CENPP: variants seen among roughly 807,000 people sequenced by gnomAD.
CENPP encodes the protein centromere protein P.
CENPP carries 24 observed loss-of-function variants against 35.6 expected under a neutral mutation model. The ratio of observed to expected loss-of-function variants is 0.67; its 90% CI spans 0.49 to 0.95. The LOEUF is 0.95. Ranked by LOEUF, CENPP falls within the 40% of genes least tolerant of loss-of-function variation. The probability of loss-of-function intolerance (pLI) is 0.00; values close to 1 mark genes in which losing one functional copy is unlikely to be tolerated. For synonymous variants in CENPP, 120 were observed against 125.5 expected (o/e 0.96, Z 0.29); for missense variants, 332 against 345.3 (o/e 0.96, Z 0.31).
intron 5 of CENPP, among the ~76,000 whole-genome samples, chr9:92,434,077 T>A (rs1844187750): frequency 6.6e-6 from 1 of 152,062 alleles, no homozygotes; most frequent in Non-Finnish European, 1.5e-5. Flanking sequence ...AAAAATCCAT[T>A]TTATTTCTAT....
intron 5 of CENPP, among the ~76,000 whole-genome samples, chr9:92,390,596 G>GCA (rs1668133907): frequency 6.6e-6 from 1 of 152,074 alleles, no homozygotes; most frequent in South Asian, 2.1e-4. Context: ...GTGCGCGCGC[G>GCA]CGTACTTGCG....
intron 5 of CENPP, chr9:92,496,562 A>G (rs1846357012): frequency 6.5e-7 from 1 of 1,535,578 alleles, no homozygotes; most frequent in Non-Finnish European, 8.7e-7. Flanking sequence ...ACATTTGTTA[A>G]AAAAATTTTG....
intron 5 of CENPP, among the ~76,000 whole-genome samples, chr9:92,595,622 G>C (rs1448746204): frequency 1.3e-5 from 2 of 151,300 alleles, no homozygotes; most frequent in Non-Finnish European, 2.9e-5. Flanking sequence ...CTGGAGTGCA[G>C]TGGCACCATC....
rs1845707694 is a variant in CENPP at position 92,476,165 on chromosome 9, C to T, written c.564+96306C>T. ...GGCTACAGTCACCTAAATAGTCCTC[C>T]AGGCCTGCCATTGCCCGAGTGCCAG... is the stretch of plus-strand genomic sequence containing the variant. On this transcript the variant is annotated intron_variant, in intron 5 of 7. Coordinates refer to ENST00000375587, the MANE Select transcript of CENPP (RefSeq NM_001012267.3). This position sits in a 1 kb window ranked among gnomAD's most constrained non-coding sequence, Gnocchi z 4.1. 6.6e-6 allele frequency among the ~76,000 whole-genome samples: 1 copy of T among 152,134 alleles called. No individual in the cohort carries two copies. The highest frequency in any genetic ancestry group is 1.5e-5 in the Non-Finnish European group (1 of 68,020).
intron 5 of CENPP, among the ~76,000 whole-genome samples, chr9:92,587,158 A>G (rs559882790): frequency 1.5e-4 from 23 of 152,322 alleles, no homozygotes; most frequent in Non-Finnish European, 2.2e-4. Context: ...TGAGATATCA[A>G]TAAGGAGACA....
chr9:92,608,364 A>G (rs1314995112), intron 5 of CENPP, among the ~76,000 whole-genome samples: 1 of 152,220 alleles, frequency 6.6e-6, no homozygotes, highest in Non-Finnish European at 1.5e-5. Flanking sequence ...TTTGTCATGG[A>G]AAGCATTCGA....
At chr9:92,489,866 C>T (rs1057120897) in intron 5 of CENPP, among the ~76,000 whole-genome samples, 6 of 152,196 alleles carry the variant, frequency 3.9e-5, no homozygotes, top group African/African-American at 9.7e-5. Context: ...CCGCTGGACC[C>T]CCACTGGCCC....
chr9:92,416,701 A>C, intron 5 of CENPP: 1 of 1,613,714 alleles, frequency 6.2e-7, no homozygotes, highest in Non-Finnish European at 8.5e-7. Context: ...TGTGTCCAAC[A>C]CTGAGTTCTA....
intron 4 of CENPP, among the ~76,000 whole-genome samples, chr9:92,375,468 GT>G (rs775224196): frequency 6.0e-5 from 9 of 150,108 alleles, no homozygotes; most frequent in Admixed American, 6.6e-5. Flanking sequence ...AATTTTTGTG[GT>G]TTTTTTTTAA....
At chr9:92,594,990 A>G (rs1163201692) in intron 5 of CENPP, among the ~76,000 whole-genome samples, 3 of 138,664 alleles carry the variant, frequency 2.2e-5, no homozygotes, top group Non-Finnish European at 4.5e-5. Context: ...TCCGCCTCCC[A>G]GGTTCAAGCA....
rs769231688 is a variant in CENPP, at chr9:92,334,895, CAAA to C, written c.289+2551_289+2553del. On this transcript the variant is annotated intron_variant, in intron 2 of 7. Coordinates refer to ENST00000375587, the MANE Select transcript of CENPP (RefSeq NM_001012267.3). Reference sequence around the variant, plus strand: ...CCTGTCTCAAAAAAAACCAAAAAAACAAAAAAAAAGGCCGGTTGTGGTGGCTCA... The same window carrying C: ...CCTGTCTCAAAAAAAACCAAAAAAACAAAAAAGGCCGGTTGTGGTGGCTCA... Among the ~76,000 whole-genome samples, 13 of 145,968 alleles carry C rather than the reference CAAA, an allele frequency of 8.9e-5. 1 individual carries two copies. The highest frequency in any genetic ancestry group is 3.3e-4 in the African/African-American group (13 of 39,552).
chr9:92,558,082 C>G (rs895692482), intron 5 of CENPP, among the ~76,000 whole-genome samples: 8 of 152,118 alleles, frequency 5.3e-5, no homozygotes, highest in African/African-American at 9.7e-5. Context: ...TGGGCTTTGC[C>G]TTTCTCTGGT....
At chr9:92,423,799 C>T (rs570417751) in intron 5 of CENPP, among the ~76,000 whole-genome samples, 2 of 152,082 alleles carry the variant, frequency 1.3e-5, no homozygotes, top group Admixed American at 6.6e-5. Context: ...TGCCCATCAA[C>T]CCCCCAACCG....
Position 92,553,404 on chromosome 9 carries a change from C to T in CENPP, c.565-57910C>T, listed in dbSNP as rs531498713. 4.8e-4 allele frequency among the ~76,000 whole-genome samples: 73 copies of T among 152,178 alleles called. No homozygotes were observed. The South Asian group carries it at 7.1e-3, about 15-fold the overall frequency. On this transcript the variant is annotated intron_variant, in intron 5 of 7. Transcript: ENST00000375587. ...GGCTATGCGGGCTCTTTTTTGGTTACATATGAATTTTAGAATTGTTTTTTC... is the reference window on the plus strand; with the variant it reads ...GGCTATGCGGGCTCTTTTTTGGTTATATATGAATTTTAGAATTGTTTTTTC...
intron 5 of CENPP, chr9:92,610,745 T>C (rs1469854701): frequency 6.5e-6 from 1 of 153,986 alleles, no homozygotes; most frequent in African/African-American, 2.4e-5. Context: ...ACAGTGAGGA[T>C]ACCAGGGTGG....
At chr9:92,600,581 G>A (rs916401439) in intron 5 of CENPP, 24 of 1,604,518 alleles carry the variant, frequency 1.5e-5, no homozygotes, top group Non-Finnish European at 2.0e-5. Flanking sequence ...GCCCTTGCGA[G>A]GGTTCTGGGG....
At chr9:92,375,101 T>G (rs1480398535) in intron 4 of CENPP, among the ~76,000 whole-genome samples, 1 of 152,226 alleles carries the variant, frequency 6.6e-6, no homozygotes, top group Non-Finnish European at 1.5e-5. Flanking sequence ...CCAGAGGGAT[T>G]TGACTGTTAT....
intron 5 of CENPP, among the ~76,000 whole-genome samples, chr9:92,565,553 T>C (rs959024587): frequency 3.3e-5 from 5 of 152,158 alleles, no homozygotes; most frequent in Admixed American, 6.5e-5. Flanking sequence ...CAGACAATTT[T>C]TGGGGGGCCA....
At chr9:92,333,601 T>G (rs1211608968) in intron 2 of CENPP, among the ~76,000 whole-genome samples, 1 of 152,236 alleles carries the variant, frequency 6.6e-6, no homozygotes, top group Non-Finnish European at 1.5e-5. Context: ...AAATATCATT[T>G]TAAAGCCAGA....
Sources: allele counts gnomAD v4.1 joint callset (sites outside exome capture counted in the v4.1 genomes callset), GRCh38; gene constraint gnomAD v4.1.1; non-coding constraint Gnocchi (gnomAD v3.1); transcripts MANE v1.5; gene names NCBI Gene and HGNC (gene_info 2026-07-23, HGNC 2026-07-21).